Variants in LUZP2 observed in about 807,000 individuals in gnomAD.
The protein encoded by LUZP2 is leucine zipper protein 2.
A neutral mutation model predicts 51.6 loss-of-function variants in LUZP2; 52 were observed. The ratio of observed to expected loss-of-function variants is 1.01; its 90% CI spans 0.81 to 1.27. The LOEUF (loss-of-function observed/expected upper bound fraction) is 1.27. Ranked by LOEUF, LUZP2 falls within the 50% of genes most tolerant of loss-of-function variation. The pLI is 0.00. For missense variants in LUZP2, 436 were observed against 395.4 expected, an observed-to-expected ratio of 1.10 and a Z score of -0.87; for synonymous variants, 154 against 137.3, an observed-to-expected ratio of 1.12 and a Z score of -0.85.
At chr11:24,620,808 G>A (rs560733206) in intron 1 of LUZP2, among the ~76,000 whole-genome samples, 1 of 152,264 alleles carries the variant, frequency 6.6e-6, no homozygotes, top group East Asian at 1.9e-4. Flanking sequence ...TACAATGTAA[G>A]TCAAAGCAAT....
At chr11:24,756,070 C>T (rs1046145934) in intron 4 of LUZP2, among the ~76,000 whole-genome samples, 1 of 152,142 alleles carries the variant, frequency 6.6e-6, no homozygotes, top group African/African-American at 2.4e-5. Context: ...CACCACCCCC[C>T]TTATGTTAAC....
At chr11:24,760,078 G>A (rs574709772) in intron 4 of LUZP2, among the ~76,000 whole-genome samples, 2 of 152,202 alleles carry the variant, frequency 1.3e-5, no homozygotes, top group South Asian at 4.1e-4. Context: ...CCAGCTTCCA[G>A]GTCATAGTTG....
intron 1 of LUZP2, among the ~76,000 whole-genome samples, chr11:24,535,931 G>T (rs1851163566): frequency 1.3e-5 from 2 of 151,580 alleles, no homozygotes; most frequent in Middle Eastern, 3.2e-3. Flanking sequence ...AGACTCAAAA[G>T]TCAAAATTAC....
At chr11:24,968,935 G>C (rs951418195) in intron 7 of LUZP2, among the ~76,000 whole-genome samples, 2 of 152,186 alleles carry the variant, frequency 1.3e-5, no homozygotes, top group Non-Finnish European at 2.9e-5. Flanking sequence ...GTTTATAGGA[G>C]GAGGGCTAGT....
intron 7 of LUZP2, among the ~76,000 whole-genome samples, chr11:24,974,911 T>G (rs1855843531): frequency 6.6e-6 from 1 of 152,036 alleles, no homozygotes; most frequent in Non-Finnish European, 1.5e-5. Context: ...CATATGATTT[T>G]TAAATCAATG....
intron 7 of LUZP2, among the ~76,000 whole-genome samples, chr11:24,955,043 A>T (rs1855177079): frequency 6.6e-6 from 1 of 151,986 alleles, no homozygotes; most frequent in African/African-American, 2.4e-5. Flanking sequence ...GGCCAAAGAG[A>T]AATTATACTG....
At chr11:24,950,159 A>G (rs1855036763) in intron 7 of LUZP2, among the ~76,000 whole-genome samples, 1 of 151,228 alleles carries the variant, frequency 6.6e-6, no homozygotes, top group Admixed American at 6.6e-5. Context: ...TAGGGTAGTG[A>G]GTAGACAGAT....
intron 7 of LUZP2, among the ~76,000 whole-genome samples, chr11:24,959,158 G>C (rs372104432): frequency 2.0e-4 from 30 of 152,020 alleles, no homozygotes; most frequent in Middle Eastern, 3.4e-3. Flanking sequence ...GTTACTGTAG[G>C]CTTGTAGTAT....
chr11:24,567,016 T>A (rs1262432995), intron 1 of LUZP2, among the ~76,000 whole-genome samples: 50 of 61,464 alleles, frequency 8.1e-4, no homozygotes, highest in African/African-American at 2.6e-3. Flanking sequence ...ATATATATAT[T>A]TTTTTTAGTA....
chr11:24,568,601 G>T (rs1426025170), intron 1 of LUZP2, among the ~76,000 whole-genome samples: 1 of 151,646 alleles, frequency 6.6e-6, no homozygotes, highest in African/African-American at 2.4e-5. Flanking sequence ...ATGGGCAAAA[G>T]AAAATAAGCA....
chr11:24,791,590 T>C (rs1291403623), intron 5 of LUZP2, among the ~76,000 whole-genome samples: 1 of 152,134 alleles, frequency 6.6e-6, no homozygotes, highest in African/African-American at 2.4e-5. Context: ...GTAAAGCAGC[T>C]TGTATATTTT....
chr11:24,699,086 A>C (rs7483609), intron 1 of LUZP2, among the ~76,000 whole-genome samples: 1 of 138,370 alleles, frequency 7.2e-6, no homozygotes, highest in Admixed American at 7.3e-5. Context: ...AAACCACAGA[A>C]ACACACACAC....
At chr11:24,920,693 TAA>T (rs557045612) in intron 7 of LUZP2, among the ~76,000 whole-genome samples, 1 of 140,728 alleles carries the variant, frequency 7.1e-6, no homozygotes, top group Admixed American at 7.1e-5. Flanking sequence ...GACACAGAAA[TAA>T]AAAAAAAAAC....
chr11:24,858,855 A>T (rs1423262757), intron 5 of LUZP2, among the ~76,000 whole-genome samples: 1 of 152,194 alleles, frequency 6.6e-6, no homozygotes, highest in South Asian at 2.1e-4. Flanking sequence ...CTGCATATTT[A>T]TATTTGGGGA....
chr11:24,524,326 CTAAT>C (rs1850729517), intron 1 of LUZP2, among the ~76,000 whole-genome samples: 1 of 151,652 alleles, frequency 6.6e-6, no homozygotes, highest in Admixed American at 6.6e-5. Context: ...AATGAATGGT[CTAAT>C]TATAGGAATG....
At chr11:24,753,042 A>G (rs1859650378) in intron 4 of LUZP2, among the ~76,000 whole-genome samples, 1 of 152,152 alleles carries the variant, frequency 6.6e-6, no homozygotes, top group African/African-American at 2.4e-5. Flanking sequence ...AGAAACAGAT[A>G]TAATAAGGGA....
chr11:24,518,589 G>A (rs897023039), intron 1 of LUZP2, among the ~76,000 whole-genome samples: 3 of 152,172 alleles, frequency 2.0e-5, no homozygotes, highest in Non-Finnish European at 4.4e-5. Flanking sequence ...ATGTTAAGAT[G>A]ATAACTGAAA....
chr11:24,616,199 A>G (rs1477945886), intron 1 of LUZP2, among the ~76,000 whole-genome samples: 1 of 151,966 alleles, frequency 6.6e-6, no homozygotes, highest in Admixed American at 6.6e-5. Flanking sequence ...AAAATTTTCA[A>G]TATTTATGAA....
chr11:24,997,446 G>A (rs144573014), intron 9 of LUZP2, among the ~76,000 whole-genome samples: 58,920 of 151,624 alleles, frequency 0.39, 13,691 homozygotes, highest in East Asian at 0.68. Flanking sequence ...CATGTCCTTC[G>A]CCCACTTTTT....
Sources: gnomAD v4.1 joint callset for allele counts (sites outside exome capture counted in the v4.1 genomes callset) on GRCh38, gnomAD v4.1.1 for gene constraint, MANE v1.5 for transcripts, NCBI Gene and HGNC (gene_info 2026-07-23, HGNC 2026-07-21) for gene names.